The following TMEM178B variants were observed in gnomAD, a reference collection of about 807,000 sequenced individuals.
The protein encoded by TMEM178B is transmembrane protein 178B.
TMEM178B carries 5 observed loss-of-function variants against 31.0 expected under a neutral mutation model. That is an observed-to-expected ratio of 0.16 (90% CI 0.08 to 0.34). The LOEUF (loss-of-function observed/expected upper bound fraction) is 0.34. Among genes scored for constraint, TMEM178B ranks in the 10% least tolerant of loss-of-function variants. TMEM178B has a pLI of 1.00. For synonymous variants in TMEM178B, 164 were observed against 164.0 expected, an observed-to-expected ratio of 1.00 and a Z score of 0.00; for missense variants, 275 against 400.3, an observed-to-expected ratio of 0.69 and a Z score of 2.67.
In TMEM178B at chr7:141,256,862, T is replaced by C. The variant is rs1321481839; in HGVS notation, c.496+44158T>C. On this transcript the variant is annotated intron_variant, in intron 2 of 3. Coordinates refer to ENST00000565468, the MANE Select transcript of TMEM178B (RefSeq NM_001195278.2). ...TGTAGGATGTGAGAGAATGGAATTA[T>C]CAATTTCTGAAATGTGCAACACTAA... Among the ~76,000 whole-genome samples the C allele has an allele frequency of 3.9e-5, 6 of 152,172 alleles. No individual in the cohort carries two copies. The East Asian group carries it at 1.2e-3, about 29-fold the overall frequency.
At chr7:141,417,655 A>AC (rs534795619) in intron 2 of TMEM178B, among the ~76,000 whole-genome samples, 1 of 151,244 alleles carries the variant, frequency 6.6e-6, no homozygotes, top group Non-Finnish European at 1.5e-5. Flanking sequence ...TTTTCTCCCT[A>AC]CCCCCCACCT....
intron 1 of TMEM178B, among the ~76,000 whole-genome samples, chr7:141,146,663 C>T (rs77189917): frequency 0.013 from 2,016 of 152,322 alleles, 18 homozygotes; most frequent in Non-Finnish European, 0.02. Context: ...TACTAAGGAT[C>T]TTCATAGCCT....
rs1488719020 is a variant in TMEM178B at position 141,096,205 on chromosome 7, A to T, written c.382+21513A>T. On this transcript the variant is annotated intron_variant, in intron 1 of 3. Transcript: ENST00000565468. ...TGCTTTAAATTGCATTGCAGGTCAA[A>T]TGTTTGCCCACTGAACAGACAGTGC... Among the ~76,000 whole-genome samples the T allele has an allele frequency of 2.0e-5, 3 of 152,192 alleles. No individual in the cohort carries two copies. The East Asian group carries it at 5.8e-4, about 29-fold the overall frequency.
intron 3 of TMEM178B, among the ~76,000 whole-genome samples, chr7:141,449,930 A>G (rs772960151): frequency 1.7e-4 from 26 of 152,240 alleles, no homozygotes; most frequent in Non-Finnish European, 3.1e-4. Flanking sequence ...GAGAGGATCT[A>G]TGAACATAGT....
At chr7:141,313,204 C>T (rs1458750508) in intron 2 of TMEM178B, among the ~76,000 whole-genome samples, 2 of 152,122 alleles carry the variant, frequency 1.3e-5, no homozygotes, top group East Asian at 3.8e-4. Context: ...TAGTACTGAC[C>T]GAGTGGGAAA....
intron 1 of TMEM178B, among the ~76,000 whole-genome samples, chr7:141,170,673 C>G (rs1796334300): frequency 6.6e-6 from 1 of 152,208 alleles, no homozygotes; most frequent in Admixed American, 6.5e-5. Flanking sequence ...TAAGTTCCCA[C>G]CAGCTGACAA....
At chr7:141,337,360 C>T (rs1353221201) in intron 2 of TMEM178B, among the ~76,000 whole-genome samples, 1 of 147,640 alleles carries the variant, frequency 6.8e-6, no homozygotes, top group African/African-American at 2.5e-5. Context: ...CCCACTACCA[C>T]CCCACTACCA....
chr7:141,258,482 CT>C (rs35772761), intron 2 of TMEM178B, among the ~76,000 whole-genome samples: 16,540 of 152,134 alleles, frequency 0.11, 948 homozygotes, highest in South Asian at 0.15. Context: ...AATCTTATGC[CT>C]TTTAAATGCA....
At chr7:141,462,519 A>C (rs1802076737) in intron 3 of TMEM178B, among the ~76,000 whole-genome samples, 1 of 151,786 alleles carries the variant, frequency 6.6e-6, no homozygotes, top group Non-Finnish European at 1.5e-5. Flanking sequence ...AGACCAGTGG[A>C]GGGTGGTAAG....
At chr7:141,372,054 G>C (rs1174452101) in intron 2 of TMEM178B, among the ~76,000 whole-genome samples, 1 of 152,078 alleles carries the variant, frequency 6.6e-6, no homozygotes, top group Non-Finnish European at 1.5e-5. Flanking sequence ...TTTCAGCAAA[G>C]CTTTACAGAG....
At chr7:141,221,655 C>G (rs13221958) in intron 2 of TMEM178B, among the ~76,000 whole-genome samples, 80,845 of 152,154 alleles carry the variant, frequency 0.53, 23,896 homozygotes, top group African/African-American at 0.8. Context: ...ATGCCCAGAA[C>G]AAGGTGGGAG....
intron 1 of TMEM178B, among the ~76,000 whole-genome samples, chr7:141,211,676 C>T (rs1462071377): frequency 6.6e-6 from 1 of 152,002 alleles, no homozygotes; most frequent in Non-Finnish European, 1.5e-5. Context: ...GGAAGAGCTC[C>T]CCACCGTGCC....
At chr7:141,384,692 A>T (rs1190711958) in intron 2 of TMEM178B, among the ~76,000 whole-genome samples, 1 of 152,128 alleles carries the variant, frequency 6.6e-6, no homozygotes, top group East Asian at 1.9e-4. Context: ...TTGACTTGGC[A>T]ATGTGGGCTC....
intron 1 of TMEM178B, among the ~76,000 whole-genome samples, chr7:141,187,443 T>C (rs949707990): frequency 3.3e-5 from 5 of 152,318 alleles, no homozygotes; most frequent in African/African-American, 1.2e-4. Context: ...TTATAATCCT[T>C]TGGGTATATA....
chr7:141,232,236 G>C (rs1009706014), intron 2 of TMEM178B, among the ~76,000 whole-genome samples: 1 of 152,168 alleles, frequency 6.6e-6, no homozygotes, highest in African/African-American at 2.4e-5. Context: ...TTGACTCTAT[G>C]TCTTTGCTAT....
intron 2 of TMEM178B, among the ~76,000 whole-genome samples, chr7:141,404,960 G>A (rs148544450): frequency 8.5e-5 from 13 of 152,292 alleles, no homozygotes; most frequent in East Asian, 1.9e-4. Flanking sequence ...GAAGTTTCCC[G>A]TCCACCCCCT....
chr7:141,336,823 C>CACGG (rs934722038), intron 2 of TMEM178B, among the ~76,000 whole-genome samples: 3 of 148,918 alleles, frequency 2.0e-5, no homozygotes, highest in African/African-American at 7.5e-5. Context: ...TCAGCACCAC[C>CACGG]ACCACCATCA....
chr7:141,135,115 T>C (rs1173734074), intron 1 of TMEM178B, among the ~76,000 whole-genome samples: 1 of 152,154 alleles, frequency 6.6e-6, no homozygotes, highest in Non-Finnish European at 1.5e-5. Flanking sequence ...TCCCCAGCCA[T>C]GTGAAAAAGA....
At chr7:141,144,993 CTT>C (rs1795829017) in intron 1 of TMEM178B, among the ~76,000 whole-genome samples, 1 of 152,156 alleles carries the variant, frequency 6.6e-6, no homozygotes, top group Non-Finnish European at 1.5e-5. Flanking sequence ...ATGTTGGAGT[CTT>C]TAGTTGCTAT....
Sources: gnomAD v4.1 joint callset for allele counts (sites outside exome capture counted in the v4.1 genomes callset) on GRCh38, gnomAD v4.1.1 for gene constraint, MANE v1.5 for transcripts, NCBI Gene and HGNC (gene_info 2026-07-23, HGNC 2026-07-21) for gene names.